The following PTPRD variants were observed in gnomAD, a reference collection of about 807,000 sequenced individuals.
The protein encoded by PTPRD is protein tyrosine phosphatase receptor type D, also known as receptor-type tyrosine-protein phosphatase delta.
Under a neutral mutation model 214.5 loss-of-function variants are expected in PTPRD, and 34 were observed. The observed-to-expected ratio is 0.16, with a 90% confidence interval of 0.12 to 0.21. The LOEUF is 0.21. PTPRD is among the 10% of genes least tolerant of loss of function. The pLI is 1.00. For missense variants in PTPRD, 2,545 were observed against 2,398.7 expected, an observed-to-expected ratio of 1.06 and a Z score of -1.27; for synonymous variants, 1,128 against 845.7, an observed-to-expected ratio of 1.33 and a Z score of -5.79.
At chr9:8,933,346 T>TTTTTTTTTTTTTTTTTTTTTTTTTG (rs2098967378) in intron 11 of PTPRD, among the ~76,000 whole-genome samples, 1 of 143,540 alleles carries the variant, frequency 7.0e-6, no homozygotes, top group Non-Finnish European at 1.5e-5. Context: ...TGAGGTTTTT[T>TTTTTTTTTTTTTTTTTTTTTTTTTG]TTTTTTTTTT....
chr9:10,086,753 G>C (rs1447114531), intron 3 of PTPRD, among the ~76,000 whole-genome samples: 1 of 151,700 alleles, frequency 6.6e-6, no homozygotes, highest in African/African-American at 2.4e-5. Context: ...AAACAAAAAT[G>C]CAAACACAAC....
chr9:8,459,585 TCTAA>T (rs1477181451), intron 33 of PTPRD, among the ~76,000 whole-genome samples: 3 of 152,148 alleles, frequency 2.0e-5, no homozygotes, highest in African/African-American at 4.8e-5. Context: ...ATGTCCTCTA[TCTAA>T]CTGACTGGCC....
At chr9:9,919,285 T>A (rs1422286787) in intron 5 of PTPRD, among the ~76,000 whole-genome samples, 1 of 152,132 alleles carries the variant, frequency 6.6e-6, no homozygotes, top group East Asian at 1.9e-4. Flanking sequence ...CAGTCATCTC[T>A]CTGAGTCAAT....
intron 11 of PTPRD, among the ~76,000 whole-genome samples, chr9:8,934,332 G>GT (rs2098974140): frequency 6.8e-6 from 1 of 146,606 alleles, no homozygotes; most frequent in Admixed American, 7.1e-5. Flanking sequence ...GACACCAGGT[G>GT]TAGCTGGTAC....
At chr9:8,968,053 C>T (rs1361100964) in intron 11 of PTPRD, among the ~76,000 whole-genome samples, 3 of 151,946 alleles carry the variant, frequency 2.0e-5, no homozygotes, top group Non-Finnish European at 4.4e-5. Flanking sequence ...TGGTTTCCAG[C>T]TTCATCCATG....
intron 9 of PTPRD, among the ~76,000 whole-genome samples, chr9:9,260,833 C>T (rs1489659397): frequency 6.6e-6 from 1 of 151,816 alleles, no homozygotes; most frequent in African/African-American, 2.4e-5. Context: ...TGCAGAAATA[C>T]AAGGCATGAC....
intron 4 of PTPRD, among the ~76,000 whole-genome samples, chr9:9,955,947 T>C (rs1404497093): frequency 6.6e-6 from 1 of 152,190 alleles, no homozygotes; most frequent in Non-Finnish European, 1.5e-5. Context: ...ATCAAGCCAT[T>C]TTTAAATTAT....
chr9:9,294,268 G>A (rs532224815), intron 9 of PTPRD, among the ~76,000 whole-genome samples: 1 of 151,620 alleles, frequency 6.6e-6, no homozygotes. Context: ...CTAAAACCAT[G>A]GAAAGCAAAA....
At chr9:9,450,326 C>A (rs1310561689) in intron 8 of PTPRD, among the ~76,000 whole-genome samples, 2 of 151,902 alleles carry the variant, frequency 1.3e-5, no homozygotes, top group Non-Finnish European at 2.9e-5. Context: ...ACTTTTATTT[C>A]TTTAGGGAAT....
chr9:10,147,229 G>A (rs1321664443), intron 3 of PTPRD, among the ~76,000 whole-genome samples: 2 of 151,880 alleles, frequency 1.3e-5, no homozygotes, highest in Non-Finnish European at 1.5e-5. Flanking sequence ...GAGGAACACT[G>A]GGGGAGGAGA....
intron 14 of PTPRD, among the ~76,000 whole-genome samples, chr9:8,622,876 T>C (rs1025588504): frequency 1.3e-5 from 2 of 151,934 alleles, no homozygotes; most frequent in Admixed American, 1.3e-4. Context: ...CAGCGGCTTA[T>C]GCCTGTAATC....
intron 30 of PTPRD, among the ~76,000 whole-genome samples, chr9:8,476,337 C>T (rs570589643): frequency 1.4e-4 from 21 of 152,254 alleles, no homozygotes; most frequent in Admixed American, 9.8e-4. Flanking sequence ...TGACAGGAGG[C>T]GGAGCTCGCT....
intron 14 of PTPRD, among the ~76,000 whole-genome samples, chr9:8,562,122 T>C (rs921494431): frequency 6.6e-6 from 1 of 152,160 alleles, no homozygotes; most frequent in Non-Finnish European, 1.5e-5. Context: ...ATATCCAAAA[T>C]GGTGACAGTG....
At chr9:8,609,873 G>T (rs940811128) in intron 14 of PTPRD, among the ~76,000 whole-genome samples, 1 of 152,036 alleles carries the variant, frequency 6.6e-6, no homozygotes, top group African/African-American at 2.4e-5. Context: ...ATATAAAGGA[G>T]AAAAAATTCA....
chr9:8,888,129 G>T (rs2098507287), intron 11 of PTPRD, among the ~76,000 whole-genome samples: 1 of 152,108 alleles, frequency 6.6e-6, no homozygotes, highest in Admixed American at 6.6e-5. Flanking sequence ...GTTAAAGAGT[G>T]CTCATCACTC....
chr9:9,564,253 T>A (rs947473061), intron 8 of PTPRD, among the ~76,000 whole-genome samples: 9 of 152,090 alleles, frequency 5.9e-5, no homozygotes, highest in African/African-American at 1.9e-4. Context: ...AAAGAAAATC[T>A]CCATGAGTGA....
chr9:8,649,868 TA>T (rs1368166640), intron 12 of PTPRD, among the ~76,000 whole-genome samples: 1 of 152,194 alleles, frequency 6.6e-6, no homozygotes, highest in Non-Finnish European at 1.5e-5. Flanking sequence ...TATTTAAAAA[TA>T]TTTTCTTGGT....
chr9:10,531,693 C>G (rs1445551924), intron 2 of PTPRD, among the ~76,000 whole-genome samples: 1 of 152,086 alleles, frequency 6.6e-6, no homozygotes, highest in Admixed American at 6.6e-5. Flanking sequence ...CATTTTGTGT[C>G]TTTCTACATG....
At chr9:9,867,458 A>G (rs1314037435) in intron 5 of PTPRD, among the ~76,000 whole-genome samples, 1 of 150,042 alleles carries the variant, frequency 6.7e-6, no homozygotes, top group African/African-American at 2.5e-5. Flanking sequence ...ATGATTAAAT[A>G]TGGTACATAA....
Sources: gnomAD v4.1 joint callset for allele counts (sites outside exome capture counted in the v4.1 genomes callset) on GRCh38, gnomAD v4.1.1 for gene constraint, MANE v1.5 for transcripts, NCBI Gene and HGNC (gene_info 2026-07-23, HGNC 2026-07-21) for gene names.